Variants in ANP32A observed in about 807,000 individuals in gnomAD.
ANP32A encodes acidic leucine-rich nuclear phosphoprotein 32 family member A.
Under a neutral mutation model 33.9 loss-of-function variants are expected in ANP32A, and 1 was observed. That is an observed-to-expected ratio of 0.03 (90% CI 0.01 to 0.14). The LOEUF (loss-of-function observed/expected upper bound fraction) is 0.14. ANP32A is among the 10% of genes least tolerant of loss of function. ANP32A has a pLI of 1.00. For missense variants in ANP32A, 155 were observed against 306.0 expected (o/e 0.51, Z 3.68); for synonymous variants, 115 against 120.5 (o/e 0.95, Z 0.30).
intron 1 of ANP32A, among the ~76,000 whole-genome samples, chr15:68,802,836 T>TTTTTTTTTTTTTTTTTTTTTG (rs1894156712): frequency 6.6e-6 from 1 of 152,098 alleles, no homozygotes. Flanking sequence ...ATATTTTTGG[T>TTTTTTTTTTTTTTTTTTTTTG]AGAGACGGGG....
At chr15:68,817,268 G>C (rs1280661892) in intron 1 of ANP32A, 1 of 152,288 alleles carries the variant, frequency 6.6e-6, no homozygotes, top group Non-Finnish European at 1.5e-5. Context: ...TACTATTGTA[G>C]CTGCCTTCTC....
chr15:68,807,301 A>G (rs973353462), intron 1 of ANP32A, among the ~76,000 whole-genome samples: 6 of 152,112 alleles, frequency 3.9e-5, no homozygotes, highest in Admixed American at 1.3e-4. Context: ...CAAGAAGGCT[A>G]GGGTCACGGA....
At chr15:68,791,199 T>G (rs1893993822) in intron 1 of ANP32A, 1 of 152,220 alleles carries the variant, frequency 6.6e-6, no homozygotes, top group African/African-American at 2.4e-5. Context: ...TACACCCCTT[T>G]GTCCAGTCCC....
At chr15:68,808,316 C>G (rs1246437575) in intron 1 of ANP32A, among the ~76,000 whole-genome samples, 1 of 152,110 alleles carries the variant, frequency 6.6e-6, no homozygotes, top group East Asian at 1.9e-4. Flanking sequence ...CCTGGCAGTT[C>G]TGATCCACAG....
intron 1 of ANP32A, among the ~76,000 whole-genome samples, chr15:68,819,817 G>C (rs1894445889): frequency 6.6e-6 from 1 of 152,210 alleles, no homozygotes; most frequent in African/African-American, 2.4e-5. Flanking sequence ...GGGATTATCT[G>C]TGCCTTAGCA....
chr15:68,805,391 AC>A (rs1235391940), intron 1 of ANP32A, among the ~76,000 whole-genome samples: 8 of 152,094 alleles, frequency 5.3e-5, no homozygotes, highest in Non-Finnish European at 1.0e-4. Flanking sequence ...TAAAATTTCT[AC>A]CCCCTCCCCA....
At chr15:68,812,296 A>T (rs1460792770) in intron 1 of ANP32A, among the ~76,000 whole-genome samples, 1 of 152,222 alleles carries the variant, frequency 6.6e-6, no homozygotes, top group Non-Finnish European at 1.5e-5. Context: ...CTCTCTCCAC[A>T]ATCTTCCCTG....
chr15:68,814,271 A>G (rs1158856161), intron 1 of ANP32A, among the ~76,000 whole-genome samples: 3 of 152,046 alleles, frequency 2.0e-5, no homozygotes, highest in Admixed American at 6.5e-5. Flanking sequence ...ATGGTATTGA[A>G]GAAGGGGGCC....
chr15:68,819,667 G>A (rs1275473470), intron 1 of ANP32A, among the ~76,000 whole-genome samples: 1 of 152,244 alleles, frequency 6.6e-6, no homozygotes, highest in Non-Finnish European at 1.5e-5. Context: ...TGAGAAAGAC[G>A]GGCCGGGGGT....
intron 5 of ANP32A, among the ~76,000 whole-genome samples, chr15:68,782,024 G>A (rs1251256413): frequency 2.0e-5 from 3 of 152,210 alleles, no homozygotes; most frequent in Non-Finnish European, 4.4e-5. Flanking sequence ...TCCATTGAGG[G>A]AGACAGGAAA....
At chr15:68,814,708 C>CA (rs1894357166) in intron 1 of ANP32A, among the ~76,000 whole-genome samples, 1 of 152,194 alleles carries the variant, frequency 6.6e-6, no homozygotes, top group Non-Finnish European at 1.5e-5. Context: ...TTCTGAAACT[C>CA]AAAGCCACTA....
intron 1 of ANP32A, among the ~76,000 whole-genome samples, chr15:68,814,168 C>A (rs984919029): frequency 6.6e-6 from 1 of 152,046 alleles, no homozygotes; most frequent in Admixed American, 6.5e-5. Context: ...TGCACCCAGC[C>A]TCCAGGAAGT....
intron 4 of ANP32A, 71 bp downstream of exon 4, chr15:68,784,326 T>C: frequency 7.8e-7 from 1 of 1,281,908 alleles, no homozygotes; most frequent in Non-Finnish European, 1.1e-6. Flanking sequence ...CACCCACCTC[T>C]GCAAAGCCAA....
intron 1 of ANP32A, chr15:68,818,230 G>T (rs1219762725): frequency 1.2e-5 from 3 of 246,734 alleles, no homozygotes; most frequent in East Asian, 1.7e-4. Context: ...CGTGCGGCGC[G>T]AGCCCCGGGA....
rs1256546050 is a variant in ANP32A, at chr15:68,779,757, C to T, written c.*324G>A. On this transcript the variant is annotated 3_prime_UTR_variant, in exon 7 of 7. Transcript: ENST00000465139. Reference sequence around the variant, plus strand: ...AAATACCAGGAAACGTAAGAGAACTCCAAACCATCCTCTTTGAGAGTCAGG... The same window carrying T: ...AAATACCAGGAAACGTAAGAGAACTTCAAACCATCCTCTTTGAGAGTCAGG... 3.1e-5 allele frequency: 8 copies of T among 258,590 alleles called. No individual in the cohort carries two copies. The highest frequency in any genetic ancestry group is 8.5e-5 in the South Asian group (1 of 11,700). 16.0% of individuals were successfully genotyped at this position (258,590 alleles called of 1,614,324 possible).
intron 4 of ANP32A, 60 bp downstream of exon 4, chr15:68,784,337 G>A: frequency 6.6e-7 from 1 of 1,511,606 alleles, no homozygotes; most frequent in Non-Finnish European, 9.0e-7. Flanking sequence ...GCAAAGCCAA[G>A]GACGAGCCCC....
intron 1 of ANP32A, among the ~76,000 whole-genome samples, chr15:68,794,867 G>A (rs779490023): frequency 5.3e-5 from 8 of 152,162 alleles, no homozygotes; most frequent in Non-Finnish European, 1.0e-4. Context: ...CAGTACACAC[G>A]TTTTTGTGTG....
rs550515889 is a variant in ANP32A at position 68,793,286 on chromosome 15, G to C, written c.55-5367C>G. Among the ~76,000 whole-genome samples, 13 of 152,308 alleles carry C rather than the reference G, an allele frequency of 8.5e-5. No homozygotes were observed. The South Asian group carries it at 2.7e-3, about 32-fold the overall frequency. ...AAACTGTCATGAAACGTATTCAACA[G>C]TATGACGAATAAATGTTGAATGAAC... On this transcript the variant is annotated intron_variant, in intron 1 of 6. Transcript: ENST00000465139.
chr15:68,808,119 T>C (rs1322963816), intron 1 of ANP32A, among the ~76,000 whole-genome samples: 1 of 152,204 alleles, frequency 6.6e-6, no homozygotes, highest in Non-Finnish European at 1.5e-5. Context: ...TCTGCTCCAT[T>C]TTCCTCTAGT....
Sources: allele counts gnomAD v4.1 joint callset (sites outside exome capture counted in the v4.1 genomes callset), GRCh38; gene constraint gnomAD v4.1.1; transcripts MANE v1.5; gene names NCBI Gene and HGNC (gene_info 2026-07-23, HGNC 2026-07-21).